The following NAALADL2 variants were observed in gnomAD, a reference collection of about 807,000 sequenced individuals.
The protein encoded by NAALADL2 is inactive N-acetylated-alpha-linked acidic dipeptidase-like protein 2.
A neutral mutation model predicts 87.2 loss-of-function variants in NAALADL2; 76 were observed. The ratio of observed to expected loss-of-function variants is 0.87; its 90% CI spans 0.72 to 1.05. The LOEUF is 1.05. Ranked by LOEUF, NAALADL2 falls within the 50% of genes least tolerant of loss-of-function variation. The pLI is 0.00. For missense variants in NAALADL2, 1,089 were observed against 945.8 expected (o/e 1.15, Z -1.99); for synonymous variants, 354 against 331.0 (o/e 1.07, Z -0.75).
intron 5 of NAALADL2, among the ~76,000 whole-genome samples, chr3:175,438,904 T>C (rs1186939452): frequency 6.6e-6 from 1 of 152,120 alleles, no homozygotes; most frequent in Non-Finnish European, 1.5e-5. Context: ...TTTGGTTATA[T>C]GAATAAGTCC....
intron 3 of NAALADL2, among the ~76,000 whole-genome samples, chr3:174,807,241 G>A (rs957767771): frequency 1.6e-4 from 25 of 151,848 alleles, no homozygotes; most frequent in Non-Finnish European, 2.8e-4. Flanking sequence ...ATAATAGCCA[G>A]CCTTTGATAT....
intron 3 of NAALADL2, among the ~76,000 whole-genome samples, chr3:174,818,221 G>C (rs1463327350): frequency 3.3e-5 from 5 of 152,182 alleles, no homozygotes; most frequent in Middle Eastern, 3.4e-3. Flanking sequence ...AGCCAAATAG[G>C]GGGGACAGGT....
intron 9 of NAALADL2, among the ~76,000 whole-genome samples, chr3:175,555,073 C>G (rs1715039783): frequency 6.6e-6 from 1 of 152,140 alleles, no homozygotes. Context: ...CTTTCCAAGT[C>G]TACTTTCTAT....
At chr3:175,471,363 A>G (rs1724840171) in intron 8 of NAALADL2, among the ~76,000 whole-genome samples, 1 of 151,604 alleles carries the variant, frequency 6.6e-6, no homozygotes, top group Non-Finnish European at 1.5e-5. Context: ...CAGCGCCTGT[A>G]GTCCCAGCTA....
intron 3 of NAALADL2, among the ~76,000 whole-genome samples, chr3:174,809,356 A>G (rs1719885135): frequency 6.6e-6 from 1 of 152,186 alleles, no homozygotes; most frequent in South Asian, 2.1e-4. Context: ...AGTAGACAAT[A>G]AAACTTTTGT....
In NAALADL2 at chr3:175,233,984, T is replaced by A; in HGVS notation, c.599T>A (p.Ile200Asn). The change falls in exon 3 of 14, where the codon ATT (isoleucine) becomes AAT (asparagine). Residue 200 changes from isoleucine (I) to asparagine (N), a missense_variant. By Grantham distance (149) the Ile-to-Asn change is moderately radical (BLOSUM62 -3). Transcript: ENST00000454872. ...NEDDMEISKK[I>N]KTQWTSLGLE... ...GATGACATGGAAATTTCAAAGAAGATTAAGACTCAGTGGACCTCTTTGGGC... is the reference window on the plus strand; with the variant it reads ...GATGACATGGAAATTTCAAAGAAGAATAAGACTCAGTGGACCTCTTTGGGC... 1.2e-6 allele frequency: 2 copies of A among 1,608,070 alleles called. No homozygotes were observed. Among genetic ancestry groups the A allele is most frequent in the Non-Finnish European group, 1.7e-6 (2 of 1,174,686 alleles).
intron 1 of NAALADL2, among the ~76,000 whole-genome samples, chr3:174,882,714 CATATATGT>C (rs1274398873): frequency 2.2e-5 from 3 of 133,800 alleles, no homozygotes; most frequent in Admixed American, 2.1e-4. Context: ...TGTATCTACA[CATATATGT>C]GTATATGTGT....
chr3:175,791,943 A>G (rs1186635023), intron 13 of NAALADL2, among the ~76,000 whole-genome samples: 1 of 150,284 alleles, frequency 6.7e-6, no homozygotes, highest in East Asian at 1.9e-4. Flanking sequence ...TATTTCTACT[A>G]TTTACTCACA....
chr3:174,840,676 C>T (rs1221394291), intron 3 of NAALADL2, among the ~76,000 whole-genome samples: 3 of 152,046 alleles, frequency 2.0e-5, no homozygotes, highest in African/African-American at 7.2e-5. Flanking sequence ...AGGTATCTCC[C>T]CATTCAGCCT....
intron 1 of NAALADL2, among the ~76,000 whole-genome samples, chr3:175,057,882 C>T (rs778900961): frequency 6.6e-6 from 1 of 152,130 alleles, no homozygotes; most frequent in East Asian, 1.9e-4. Flanking sequence ...ATCCTCTAAC[C>T]CCTAGGCCAT....
intron 1 of NAALADL2, among the ~76,000 whole-genome samples, chr3:174,921,804 C>CAAAAAAAA (rs546555666): frequency 2.4e-5 from 1 of 42,414 alleles, no homozygotes; most frequent in Admixed American, 2.8e-4. Context: ...GACTCCGTCT[C>CAAAAAAAA]AAAAAAAAAA....
intron 9 of NAALADL2, among the ~76,000 whole-genome samples, chr3:175,553,199 T>C (rs999915246): frequency 1.3e-5 from 2 of 152,186 alleles, no homozygotes; most frequent in Non-Finnish European, 2.9e-5. Context: ...TTATTTCATG[T>C]AGCAGTTGTT....
At chr3:174,765,755 T>C (rs1713732142) in intron 3 of NAALADL2, among the ~76,000 whole-genome samples, 1 of 152,224 alleles carries the variant, frequency 6.6e-6, no homozygotes, top group African/African-American at 2.4e-5. Flanking sequence ...GACAAAATGA[T>C]AACATGAGAA....
chr3:175,166,023 A>G (rs1733949662), intron 2 of NAALADL2, among the ~76,000 whole-genome samples: 1 of 147,036 alleles, frequency 6.8e-6, no homozygotes. Flanking sequence ...CATCTCTTGC[A>G]TATAAGGGAC....
At chr3:175,202,293 G>A (rs949932537) in intron 2 of NAALADL2, among the ~76,000 whole-genome samples, 1 of 152,104 alleles carries the variant, frequency 6.6e-6, no homozygotes, top group East Asian at 1.9e-4. Flanking sequence ...CTCCAGACAA[G>A]GCAGTTCTGT....
intron 9 of NAALADL2, among the ~76,000 whole-genome samples, chr3:175,553,489 A>G (rs4624569): frequency 0.65 from 99,049 of 151,916 alleles, 33,309 homozygotes; most frequent in East Asian, 0.87. Flanking sequence ...TATATCCCAC[A>G]TGACTCTTGT....
At chr3:174,954,642 G>T (rs1400642747) in intron 1 of NAALADL2, among the ~76,000 whole-genome samples, 1 of 152,024 alleles carries the variant, frequency 6.6e-6, no homozygotes, top group Non-Finnish European at 1.5e-5. Context: ...GGTATACTCA[G>T]TAAACAATCT....
intron 1 of NAALADL2, among the ~76,000 whole-genome samples, chr3:174,442,140 G>GT (rs1714700427): frequency 6.6e-6 from 1 of 152,156 alleles, no homozygotes; most frequent in Non-Finnish European, 1.5e-5. Context: ...TGTGCTGACT[G>GT]GTGACAGGTT....
intron 2 of NAALADL2, among the ~76,000 whole-genome samples, chr3:174,643,188 A>C (rs961267804): frequency 6.6e-6 from 1 of 152,334 alleles, no homozygotes; most frequent in Non-Finnish European, 1.5e-5. Flanking sequence ...TTCAGGCCAC[A>C]GAGTAGTTCC....
Sources: allele counts gnomAD v4.1 joint callset (sites outside exome capture counted in the v4.1 genomes callset), GRCh38; gene constraint gnomAD v4.1.1; transcripts MANE v1.5; gene names NCBI Gene and HGNC (gene_info 2026-07-23, HGNC 2026-07-21).